TEX9: variants seen among roughly 807,000 people sequenced by gnomAD.
TEX9 encodes the protein testis expressed 9, also known as testis-expressed protein 9.
In TEX9, 74 loss-of-function variants were observed where a neutral mutation model predicts 59.6. The observed-to-expected ratio is 1.24, with a 90% CI of 1.03 to 1.51. The LOEUF (loss-of-function observed/expected upper bound fraction) is 1.51, where lower values mean the gene tolerates loss of function less well. TEX9 is among the 40% of genes most tolerant of loss of function. TEX9 has a pLI of 0.00. For synonymous variants in TEX9, 186 were observed against 152.2 expected, an observed-to-expected ratio of 1.22 and a Z score of -1.64; for missense variants, 522 against 447.8, an observed-to-expected ratio of 1.17 and a Z score of -1.49.
At chr15:56,286,857 A>G (rs1215007890) in intron 1 of TEX9, among the ~76,000 whole-genome samples, 1 of 140,664 alleles carries the variant, frequency 7.1e-6, no homozygotes, top group Non-Finnish European at 1.5e-5. Context: ...AGAAATTTCT[A>G]GTTGGGTTTT....
chr15:56,360,681 T>A (rs1284900542), upstream of TEX9, among the ~76,000 whole-genome samples: 1 of 152,198 alleles, frequency 6.6e-6, no homozygotes, highest in Non-Finnish European at 1.5e-5. Context: ...GCAAGCCAAT[T>A]CTTAGCTAAG....
intron 12 of TEX9, chr15:56,429,109 C>A: frequency 1.9e-6 from 3 of 1,586,450 alleles, no homozygotes; most frequent in Non-Finnish European, 2.6e-6. Flanking sequence ...TATCATTTCT[C>A]TTCACAAATT....
chr15:56,420,124 C>T (rs1232200962), intron 10 of TEX9, among the ~76,000 whole-genome samples: 1 of 151,672 alleles, frequency 6.6e-6, no homozygotes, highest in African/African-American at 2.4e-5. Context: ...TCATTCCCCC[C>T]TCTCATTCTT....
At chr15:56,423,912 C>T (rs2050116129) in intron 10 of TEX9, among the ~76,000 whole-genome samples, 1 of 152,110 alleles carries the variant, frequency 6.6e-6, no homozygotes, top group Non-Finnish European at 1.5e-5. Flanking sequence ...TCTTTTATCC[C>T]TCTCACCCTT....
At chr15:56,299,113 A>T (rs192746950) in intron 1 of TEX9, among the ~76,000 whole-genome samples, 20 of 152,342 alleles carry the variant, frequency 1.3e-4, no homozygotes, top group South Asian at 4.1e-4. Context: ...TCAGTGAAAG[A>T]AGAACTGAAG....
chr15:56,251,595 C>G (rs1017240062), intron 1 of TEX9, among the ~76,000 whole-genome samples: 40 of 152,066 alleles, frequency 2.6e-4, no homozygotes, highest in Non-Finnish European at 5.3e-4. Flanking sequence ...GAAAGATACA[C>G]AAGAGAAAGC....
intron 5 of TEX9, 34 bp downstream of exon 5, chr15:56,388,554 A>T: frequency 6.4e-7 from 1 of 1,567,464 alleles, no homozygotes; most frequent in Non-Finnish European, 8.8e-7. Context: ...ATGCAATTAT[A>T]TTCTGTAGAA....
intron 7 of TEX9, among the ~76,000 whole-genome samples, chr15:56,392,232 T>C (rs1463698612): frequency 3.3e-5 from 5 of 152,182 alleles, no homozygotes; most frequent in African/African-American, 1.2e-4. Flanking sequence ...CTGTGTAATT[T>C]ATAAAGAAAT....
At chr15:56,267,623 A>C (rs2044418472) in intron 1 of TEX9, among the ~76,000 whole-genome samples, 1 of 152,152 alleles carries the variant, frequency 6.6e-6, no homozygotes. Flanking sequence ...GGTTTGTCAA[A>C]GTTCAGATGG....
chr15:56,416,693 G>T (rs973682221), intron 10 of TEX9, among the ~76,000 whole-genome samples: 1 of 151,792 alleles, frequency 6.6e-6, no homozygotes, highest in Admixed American at 6.6e-5. Context: ...CTGTCTGCCA[G>T]GTTTTGGTAT....
intron 1 of TEX9, among the ~76,000 whole-genome samples, chr15:56,351,449 T>C (rs2046577453): frequency 6.6e-6 from 1 of 152,138 alleles, no homozygotes; most frequent in Non-Finnish European, 1.5e-5. Context: ...AAAGTTAGAG[T>C]GTGTAGTTCC....
At chr15:56,441,936 C>T (rs1289549023) in intron 12 of TEX9, among the ~76,000 whole-genome samples, 3 of 152,102 alleles carry the variant, frequency 2.0e-5, no homozygotes, top group East Asian at 1.9e-4. Flanking sequence ...AGGAGAATGG[C>T]GTGAACCCGG....
chr15:56,452,262 TG>T, the TEX9 span, among the ~76,000 whole-genome samples: 1 of 152,032 alleles, frequency 6.6e-6, no homozygotes, highest in East Asian at 1.9e-4. Context: ...AAAAGGCACA[TG>T]GGTGAAATTC....
chr15:56,409,446 A>G (rs73413982), intron 9 of TEX9, among the ~76,000 whole-genome samples: 4,025 of 152,072 alleles, frequency 0.026, 171 homozygotes, highest in African/African-American at 0.092. Context: ...CTACTACAGG[A>G]TCTTTGTCTT....
At chr15:56,309,084 G>C (rs1427267477) in intron 1 of TEX9, among the ~76,000 whole-genome samples, 1 of 152,144 alleles carries the variant, frequency 6.6e-6, no homozygotes, top group Non-Finnish European at 1.5e-5. Flanking sequence ...CATAAAACAT[G>C]CTAGCTGGAA....
chr15:56,306,352 G>A (rs1487959408), intron 1 of TEX9, among the ~76,000 whole-genome samples: 1 of 151,192 alleles, frequency 6.6e-6, no homozygotes, highest in Non-Finnish European at 1.5e-5. Flanking sequence ...CCATGATTTG[G>A]GAGAAACCTA....
At chr15:56,276,883 AT>A (rs1340183995) in intron 1 of TEX9, among the ~76,000 whole-genome samples, 6 of 152,234 alleles carry the variant, frequency 3.9e-5, no homozygotes, top group African/African-American at 1.4e-4. Context: ...ATGGTATTTC[AT>A]TGTGGTTTTG....
chr15:56,271,956 G>A (rs376489812), intron 1 of TEX9, among the ~76,000 whole-genome samples: 82 of 152,016 alleles, frequency 5.4e-4, no homozygotes, highest in Non-Finnish European at 9.3e-4. Context: ...CCAGCTACAC[G>A]GTGAAACCCT....
chr15:56,250,650 G>GAATT (rs2043993540), intron 1 of TEX9, among the ~76,000 whole-genome samples: 1 of 152,066 alleles, frequency 6.6e-6, no homozygotes, highest in Non-Finnish European at 1.5e-5. Flanking sequence ...TATTTTAAAG[G>GAATT]AATTGGCTTA....
Sources: allele counts gnomAD v4.1 joint callset (sites outside exome capture counted in the v4.1 genomes callset), GRCh38; gene constraint gnomAD v4.1.1; transcripts MANE v1.5; gene names NCBI Gene and HGNC (gene_info 2026-07-23, HGNC 2026-07-21).